SIK2: variants seen among roughly 807,000 people sequenced by gnomAD.
SIK2 encodes serine/threonine-protein kinase SIK2.
Under a neutral mutation model 103.2 loss-of-function variants are expected in SIK2, and 29 were observed. That is an observed-to-expected ratio of 0.28 (90% CI 0.21 to 0.38). SIK2 has a LOEUF of 0.38. Among genes scored for constraint, SIK2 ranks in the 10% least tolerant of loss-of-function variants. SIK2 has a pLI of 1.00. For synonymous variants in SIK2, 412 were observed against 446.1 expected, an observed-to-expected ratio of 0.92 and a Z score of 0.96; for missense variants, 879 against 1,171.0, an observed-to-expected ratio of 0.75 and a Z score of 3.64.
rs1193258160 is a variant in SIK2, at chr11:111,729,569, C to T, written c.*5440C>T. ...GACACGCGCTTGGGTTGACTGGCTT[C>T]TGGTTTTGGTTCTCTGGCTTCTAGT... On this transcript the variant is annotated 3_prime_UTR_variant, in exon 15 of 15. Transcript: ENST00000304987. The T allele has an allele frequency of 6.6e-6, 1 of 152,230 alleles. No individual in the cohort carries two copies. Among genetic ancestry groups the T allele is most frequent in the Non-Finnish European group, 1.5e-5 (1 of 68,062 alleles). The allele number at this position is 152,230 out of a possible 1,614,324, so 9.4% of individuals were successfully genotyped here.
chr11:111,661,951 G>A (rs1942473203), intron 3 of SIK2, among the ~76,000 whole-genome samples: 2 of 152,214 alleles, frequency 1.3e-5, no homozygotes, highest in Admixed American at 6.5e-5. Flanking sequence ...TGGGGACACA[G>A]CCAAACCATA....
At chr11:111,723,162 C>G (rs1943856241) in intron 14 of SIK2, among the ~76,000 whole-genome samples, 1 of 152,190 alleles carries the variant, frequency 6.6e-6, no homozygotes, top group Non-Finnish European at 1.5e-5. Flanking sequence ...AATCCATCAA[C>G]TGCAGACACC....
intron 1 of SIK2, among the ~76,000 whole-genome samples, chr11:111,615,875 G>A (rs565048301): frequency 1.3e-5 from 2 of 152,262 alleles, no homozygotes; most frequent in Admixed American, 6.5e-5. Context: ...CTACTTTGCT[G>A]ATCATTTGTT....
intron 3 of SIK2, among the ~76,000 whole-genome samples, chr11:111,652,032 A>G (rs188922334): frequency 2.6e-5 from 4 of 152,342 alleles, no homozygotes; most frequent in African/African-American, 9.6e-5. Flanking sequence ...ATGATTGAAG[A>G]TAATACATCG....
intron 3 of SIK2, among the ~76,000 whole-genome samples, chr11:111,668,179 A>T (rs11213973): frequency 0.62 from 93,378 of 151,060 alleles, 31,380 homozygotes; most frequent in East Asian, 0.94. Flanking sequence ...TAAAGTAAGG[A>T]GTGTGTGTGT....
intron 3 of SIK2, among the ~76,000 whole-genome samples, chr11:111,621,673 A>C (rs1941888235): frequency 6.6e-6 from 1 of 152,054 alleles, no homozygotes; most frequent in Admixed American, 6.6e-5. Context: ...CAGCACTTTT[A>C]GGAGGTCAAG....
intron 11 of SIK2, 30 bp from the exon 12 acceptor site, chr11:111,720,868 TA>T (rs761867247): frequency 2.5e-6 from 4 of 1,608,012 alleles, no homozygotes; most frequent in Non-Finnish European, 2.5e-6. Flanking sequence ...GTATTTTAGT[TA>T]AACTGTTTGG....
At chr11:111,628,472 T>A (rs1241453047) in intron 3 of SIK2, among the ~76,000 whole-genome samples, 1 of 151,904 alleles carries the variant, frequency 6.6e-6, no homozygotes, top group East Asian at 1.9e-4. Context: ...AGGATCTCAC[T>A]CTGTCACCCA....
In SIK2 at chr11:111,602,638, G is replaced by T. The variant is rs760227326; in HGVS notation, c.75G>T (p.Thr25=). 9 of 1,533,122 alleles carry T rather than the reference G, an allele frequency of 5.9e-6. No homozygotes were observed. Among genetic ancestry groups the T allele is most frequent in the Admixed American group, 2.0e-5 (1 of 50,012 alleles). The allele number at this position is 1,533,122 out of a possible 1,614,324, so 95.0% of individuals were successfully genotyped here. Residue 25 remains threonine, a synonymous_variant, in exon 1 of 15, where the codon ACG becomes ACT. Transcript: ENST00000304987. This position sits in a 1 kb window ranked among gnomAD's most constrained non-coding sequence, Gnocchi z 4.5. ...VRVGFYDIEG[T]LGKGNFAVVK... The stretch of plus-strand genomic sequence containing the variant: ...TGGGGTTCTACGACATCGAGGGCAC[G>T]CTGGGCAAGGGCAACTTCGCTGTGG...
chr11:111,613,819 A>G (rs1465999672), intron 1 of SIK2, among the ~76,000 whole-genome samples: 6 of 152,178 alleles, frequency 3.9e-5, no homozygotes, highest in Non-Finnish European at 8.8e-5. Flanking sequence ...TTTATACATT[A>G]TGTTTAGTAA....
In SIK2 at chr11:111,701,418, G is replaced by C. The variant is rs1264822750; in HGVS notation, c.604-34G>C. Reference sequence around the variant, plus strand: ...AAAACAAAGAGTGTTTGACGTTCTTGGTAGAAAAGTCTCTGCATTGTTTTC... The same window carrying C: ...AAAACAAAGAGTGTTTGACGTTCTTCGTAGAAAAGTCTCTGCATTGTTTTC... On this transcript the variant is annotated intron_variant, in intron 5 of 14. Transcript: ENST00000304987. This position sits in a 1 kb window ranked among gnomAD's most constrained non-coding sequence, Gnocchi z 4.2. 6.3e-7 allele frequency: 1 copy of C among 1,598,936 alleles called. No homozygotes were observed. Among genetic ancestry groups the C allele is most frequent in the Non-Finnish European group, 8.5e-7 (1 of 1,169,820 alleles).
At chr11:111,723,107 C>T (rs1943854681) in intron 14 of SIK2, among the ~76,000 whole-genome samples, 1 of 152,186 alleles carries the variant, frequency 6.6e-6, no homozygotes, top group Non-Finnish European at 1.5e-5. Context: ...GTGCCCACAG[C>T]CTCGCTAGTA....
intron 3 of SIK2, among the ~76,000 whole-genome samples, chr11:111,633,383 TA>T: frequency 6.6e-6 from 1 of 152,324 alleles, no homozygotes; most frequent in South Asian, 2.1e-4. Context: ...TTGAGGACTT[TA>T]GCACAATACA....
chr11:111,674,523 C>T (rs1942674689), intron 3 of SIK2, among the ~76,000 whole-genome samples: 1 of 152,142 alleles, frequency 6.6e-6, no homozygotes, highest in African/African-American at 2.4e-5. Flanking sequence ...TAGTTCCCAA[C>T]CAAATGTTTT....
At chr11:111,666,551 T>C (rs1942545148) in intron 3 of SIK2, among the ~76,000 whole-genome samples, 1 of 152,230 alleles carries the variant, frequency 6.6e-6, no homozygotes, top group African/African-American at 2.4e-5. Context: ...TCTCTGCTTT[T>C]TACCACCTCT....
At chr11:111,707,779 AAAC>A (rs1178286093) in intron 8 of SIK2, among the ~76,000 whole-genome samples, 6 of 152,198 alleles carry the variant, frequency 3.9e-5, no homozygotes, top group Non-Finnish European at 8.8e-5. Context: ...AAAATTGAGG[AAAC>A]AACATGATCC....
chr11:111,620,677 T>C (rs930823821), intron 3 of SIK2, among the ~76,000 whole-genome samples: 2 of 152,206 alleles, frequency 1.3e-5, no homozygotes, highest in African/African-American at 4.8e-5. Flanking sequence ...ATATTTTCTT[T>C]CTTTTTATCT....
Position 111,602,652 on chromosome 11 carries a change from A to G in SIK2, c.89A>G (p.Asn30Ser), listed in dbSNP as rs976535704. ...YDIEGTLGKG[N>S]FAVVKLGRHR... ...ATCGAGGGCACGCTGGGCAAGGGCA[A>G]CTTCGCTGTGGTGAAGCTGGGGCGG... Residue 30 changes from asparagine to serine, a missense_variant, in exon 1 of 15, where the codon AAC becomes AGC. Around this residue, in one of 7 missense-constraint regions of SIK2, gnomAD observed 47 missense variants for 43.9 expected, o/e 1.07. Coordinates refer to ENST00000304987, the MANE Select transcript of SIK2 (RefSeq NM_015191.3). The surrounding 1 kb of genome is among the most constrained non-coding windows in gnomAD (Gnocchi z 4.5). 2.0e-6 allele frequency: 3 copies of G among 1,532,220 alleles called. No homozygotes were observed. The highest frequency in any genetic ancestry group is 1.2e-5 in the South Asian group (1 of 82,448). 94.9% of individuals were successfully genotyped at this position (1,532,220 alleles called of 1,614,324 possible).
chr11:111,717,018 A>G (rs1943659244), intron 9 of SIK2, among the ~76,000 whole-genome samples: 1 of 152,226 alleles, frequency 6.6e-6, no homozygotes, highest in Non-Finnish European at 1.5e-5. Context: ...AACATATGAA[A>G]AAAAGCTCAA....
Sources: allele counts gnomAD v4.1 joint callset (sites outside exome capture counted in the v4.1 genomes callset), GRCh38; gene constraint gnomAD v4.1.1; regional missense constraint gnomAD v4.1.1; non-coding constraint Gnocchi (gnomAD v3.1); transcripts MANE v1.5; gene names NCBI Gene and HGNC (gene_info 2026-07-23, HGNC 2026-07-21).